The following RNF19A variants were observed in gnomAD, a reference collection of about 807,000 sequenced individuals.
RNF19A encodes E3 ubiquitin-protein ligase RNF19A.
RNF19A carries 32 observed loss-of-function variants against 75.7 expected under a neutral mutation model. That is an observed-to-expected ratio of 0.42 (90% confidence interval 0.32 to 0.57). The LOEUF (loss-of-function observed/expected upper bound fraction) is 0.57. Ranked by LOEUF, RNF19A falls within the 20% of genes least tolerant of loss-of-function variation. The pLI is 0.10. For synonymous variants in RNF19A, 335 were observed against 345.2 expected, an observed-to-expected ratio of 0.97 and a Z score of 0.33; for missense variants, 782 against 1,036.3, an observed-to-expected ratio of 0.75 and a Z score of 3.37.
intron 1 of RNF19A, among the ~76,000 whole-genome samples, chr8:100,298,657 C>T (rs1003154233): frequency 5.3e-5 from 8 of 152,154 alleles, no homozygotes; most frequent in African/African-American, 1.7e-4. Context: ...TTCACAAACA[C>T]GCACCTGCCA....
intron 1 of RNF19A, among the ~76,000 whole-genome samples, chr8:100,296,511 A>G (rs573512657): frequency 1.3e-5 from 2 of 152,386 alleles, no homozygotes; most frequent in African/African-American, 4.8e-5. Flanking sequence ...AAAAATAAAA[A>G]TGCTTAAAAT....
intron 1 of RNF19A, among the ~76,000 whole-genome samples, chr8:100,315,840 T>A (rs2130312890): frequency 6.6e-6 from 1 of 152,316 alleles, no homozygotes; most frequent in African/African-American, 2.4e-5. Flanking sequence ...TTTCTGAGTT[T>A]CATATCAGAC....
intron 5 of RNF19A, among the ~76,000 whole-genome samples, chr8:100,266,454 T>C (rs1459762478): frequency 6.6e-6 from 1 of 152,228 alleles, no homozygotes; most frequent in African/African-American, 2.4e-5. Context: ...AGCAAAGCCT[T>C]GCTTTGAATA....
rs990107077 is a variant in RNF19A, at chr8:100,330,753, T to C, written c.-243+5355A>G. Reference sequence around the variant, plus strand: ...CAAAGTAGTCTGAACAATATGTTTGTCCTTTCAGTTTCTAACTTCTCTCCT... The same window carrying C: ...CAAAGTAGTCTGAACAATATGTTTGCCCTTTCAGTTTCTAACTTCTCTCCT... On this transcript the variant is annotated intron_variant, in intron 1 of 3. Transcript: ENST00000519527. This position sits in a 1 kb window ranked among gnomAD's most constrained non-coding sequence, Gnocchi z 4.1. Among the ~76,000 whole-genome samples, 2 of 152,222 alleles carry C rather than the reference T, an allele frequency of 1.3e-5. No homozygotes were observed. Among genetic ancestry groups the C allele is most frequent in the South Asian group, 2.1e-4 (1 of 4,826 alleles).
At chr8:100,313,902 C>CTTTTTTTTTTTTTTTTTTTT (rs371385291), upstream of RNF19A, among the ~76,000 whole-genome samples, 3 of 132,610 alleles carry the variant, frequency 2.3e-5, no homozygotes, top group Non-Finnish European at 3.2e-5. Flanking sequence ...AAGAGAACTA[C>CTTTTTTTTTTTTTTTTTTTT]TTTTTTTTTG....
chr8:100,274,850 C>T, intron 3 of RNF19A, 103 bp downstream of exon 3: 1 of 886,936 alleles, frequency 1.1e-6, no homozygotes, highest in Admixed American at 2.7e-5. Flanking sequence ...CTTAAAAACA[C>T]TTTCGGCAAG....
chr8:100,312,909 G>A (rs751097384), upstream of RNF19A, among the ~76,000 whole-genome samples: 1 of 152,154 alleles, frequency 6.6e-6, no homozygotes, highest in East Asian at 1.9e-4. Flanking sequence ...GCAATAGAGC[G>A]AGACTCTGTC....
chr8:100,309,652 G>C, intron 1 of RNF19A: 1 of 923,100 alleles, frequency 1.1e-6, no homozygotes, highest in Non-Finnish European at 1.3e-6. Flanking sequence ...AGGGGACCCG[G>C]AGCTGACCGA....
At chr8:100,272,107 G>C (rs1820284492) in intron 3 of RNF19A, among the ~76,000 whole-genome samples, 1 of 152,106 alleles carries the variant, frequency 6.6e-6, no homozygotes, top group Non-Finnish European at 1.5e-5. Flanking sequence ...GACAGAGGCA[G>C]GAGTGGAGAG....
At chr8:100,319,149 T>G (rs374944361) in intron 1 of RNF19A, among the ~76,000 whole-genome samples, 10 of 152,344 alleles carry the variant, frequency 6.6e-5, no homozygotes, top group African/African-American at 2.4e-4. Context: ...ATGGACATTC[T>G]ATGGATGGTT....
chr8:100,285,530 A>G (rs1221844783), intron 2 of RNF19A, among the ~76,000 whole-genome samples: 1 of 151,634 alleles, frequency 6.6e-6, no homozygotes, highest in Non-Finnish European at 1.5e-5. Context: ...GATAATATAC[A>G]GCAATTAAGT....
chr8:100,311,803 G>A (rs1822302838), upstream of RNF19A, among the ~76,000 whole-genome samples: 3 of 152,006 alleles, frequency 2.0e-5, 1 homozygote, highest in South Asian at 6.2e-4. Context: ...GGCTTGAAAG[G>A]GGATTTTGAA....
At position 100,260,965 on chromosome 8, in the gene RNF19A, T is replaced by A. The variant is rs1019569919; in HGVS notation, c.1682+577A>T. Among the ~76,000 whole-genome samples the A allele has an allele frequency of 2.0e-5, 3 of 152,254 alleles. No homozygotes were observed. The highest frequency in any genetic ancestry group is 2.9e-5 in the Non-Finnish European group (2 of 68,050). The stretch of plus-strand genomic sequence containing the variant: ...TGTTGTTACCCACAGAGGTAAGATC[T>A]AGGCTTAAGTACTGCCTTTGCTTCA... On this transcript the variant is annotated intron_variant, in intron 8 of 9. Transcript: ENST00000341084. This position sits in a 1 kb window ranked among gnomAD's most constrained non-coding sequence, Gnocchi z 4.1.
chr8:100,322,558 T>G lies in RNF19A; in HGVS notation c.-242-9186A>C, dbSNP rs1355307152. Among the ~76,000 whole-genome samples, 3 of 152,252 alleles carry G rather than the reference T, an allele frequency of 2.0e-5. No homozygotes were observed. Among genetic ancestry groups the G allele is most frequent in the African/African-American group, 7.2e-5 (3 of 41,464 alleles). ...TTATGAGTTCACTGGAGTAGCAATT[T>G]TAACATCCTTCAAGAACTTTTCCTT... On this transcript the variant is annotated intron_variant, in intron 1 of 3. Transcript: ENST00000519527. This position sits in a 1 kb window ranked among gnomAD's most constrained non-coding sequence, Gnocchi z 5.1.
At chr8:100,294,201 C>G (rs552626628) in intron 1 of RNF19A, among the ~76,000 whole-genome samples, 20 of 152,252 alleles carry the variant, frequency 1.3e-4, no homozygotes, top group African/African-American at 4.8e-4. Context: ...TCTGTAGTCT[C>G]TTGTCTTCTC....
chr8:100,258,484 A>G lies in RNF19A; in HGVS notation c.*72T>C. 1 of 1,242,080 alleles carries G rather than the reference A, an allele frequency of 8.1e-7. No homozygotes were observed. The highest frequency in any genetic ancestry group is 1.5e-5 in the South Asian group (1 of 67,926). The allele number at this position is 1,242,080 out of a possible 1,614,324, so 76.9% of individuals were successfully genotyped here. On this transcript the variant is annotated 3_prime_UTR_variant, in exon 10 of 10. Coordinates refer to ENST00000341084, the MANE Select transcript of RNF19A (RefSeq NM_183419.4). The surrounding 1 kb of genome is among the most constrained non-coding windows in gnomAD (Gnocchi z 4.3). ...GCTTTTGCTGGTAACCTGAAACTTA[A>G]GTAGTCACATGTAGTTCAACCAGCT...
At chr8:100,289,033 C>G (rs1325992684) in intron 1 of RNF19A, among the ~76,000 whole-genome samples, 1 of 140,004 alleles carries the variant, frequency 7.1e-6, no homozygotes. Flanking sequence ...GCACTCCACC[C>G]TGAGCAACAG....
At chr8:100,302,107 G>C (rs1157477527) in intron 1 of RNF19A, among the ~76,000 whole-genome samples, 1 of 152,230 alleles carries the variant, frequency 6.6e-6, no homozygotes, top group Non-Finnish European at 1.5e-5. Context: ...TAAGGCCACT[G>C]TAAGTACTTT....
At chr8:100,336,041 G>GGGAT (rs1822678425) in intron 1 of RNF19A, 1 of 152,246 alleles carries the variant, frequency 6.6e-6, no homozygotes, top group Non-Finnish European at 1.5e-5. Context: ...GGGAGCTAAA[G>GGGAT]GGATATACAG....
Sources: gnomAD v4.1 joint callset for allele counts (sites outside exome capture counted in the v4.1 genomes callset) on GRCh38, gnomAD v4.1.1 for gene constraint, Gnocchi (gnomAD v3.1) non-coding constraint, MANE v1.5 for transcripts, NCBI Gene and HGNC (gene_info 2026-07-23, HGNC 2026-07-21) for gene names.